WDFY1: variants seen among roughly 807,000 people sequenced by gnomAD.
The protein encoded by WDFY1 is WD repeat and FYVE domain containing 1.
In WDFY1, 32 loss-of-function variants were observed where a neutral mutation model predicts 56.4. That is an observed-to-expected ratio of 0.57 (90% CI 0.43 to 0.76). The LOEUF (loss-of-function observed/expected upper bound fraction) is 0.76. WDFY1 is among the 30% of genes least tolerant of loss of function. The probability of loss-of-function intolerance (pLI) is 0.00; values close to 1 mark genes in which losing one functional copy is unlikely to be tolerated. For synonymous variants in WDFY1, 192 were observed against 197.3 expected (o/e 0.97, Z 0.23); for missense variants, 480 against 545.7 (o/e 0.88, Z 1.20).
chr2:223,939,358 T>A (rs1246589632), intron 1 of WDFY1, among the ~76,000 whole-genome samples: 2 of 152,198 alleles, frequency 1.3e-5, no homozygotes, highest in Non-Finnish European at 2.9e-5. Flanking sequence ...TATTGACATT[T>A]GGGGCTCAAT....
intron 1 of WDFY1, among the ~76,000 whole-genome samples, chr2:223,924,440 T>C (rs1424128452): frequency 6.6e-6 from 1 of 152,248 alleles, no homozygotes; most frequent in Non-Finnish European, 1.5e-5. Context: ...TTCAGCTCAC[T>C]GTAACCTCTG....
In WDFY1 at chr2:223,880,130, A is replaced by G. The variant is rs771182357; in HGVS notation, c.1167T>C (p.Ile389=). 1.9e-6 allele frequency: 3 copies of G among 1,613,894 alleles called. No homozygotes were observed. The highest frequency in any genetic ancestry group is 2.5e-6 in the Non-Finnish European group (3 of 1,179,790). The change falls in exon 11 of 12, where the codon ATT becomes ATC. Residue 389 remains isoleucine, a synonymous_variant. Transcript: ENST00000233055. Reference sequence around the variant, plus strand: ...AGACAATTAGCCAGCTTACCTTTACAATGCGGTCGGTCCCACAGGTCACCA... The same window carrying G: ...AGACAATTAGCCAGCTTACCTTTACGATGCGGTCGGTCCCACAGGTCACCA... ...GLMVTCGTDR[I]VKIWDMTPVV... is the part of the protein sequence containing the mutation.
intron 1 of WDFY1, among the ~76,000 whole-genome samples, chr2:223,928,434 G>A (rs950426668): frequency 5.3e-5 from 8 of 152,166 alleles, no homozygotes; most frequent in African/African-American, 1.9e-4. Flanking sequence ...AATGTCCTGG[G>A]CTCCTTGTGA....
chr2:223,919,236 T>C (rs1251906040), intron 1 of WDFY1, among the ~76,000 whole-genome samples: 1 of 152,148 alleles, frequency 6.6e-6, no homozygotes, highest in Non-Finnish European at 1.5e-5. Flanking sequence ...TATGGGACAG[T>C]GTCTCACTCT....
At chr2:223,894,145 C>T in intron 8 of WDFY1, 89 bp downstream of exon 8, 3 of 1,291,818 alleles carry the variant, frequency 2.3e-6, no homozygotes, top group Non-Finnish European at 3.3e-6. Context: ...CCTGGACCAG[C>T]ATTTACAGCT....
chr2:223,894,144 G>T, intron 8 of WDFY1, 90 bp downstream of exon 8: 2 of 1,278,582 alleles, frequency 1.6e-6, no homozygotes, highest in Non-Finnish European at 2.2e-6. Context: ...ACCTGGACCA[G>T]CATTTACAGC....
chr2:223,905,825 T>C (rs1473602785), intron 4 of WDFY1, 122 bp downstream of exon 4: 7 of 624,416 alleles, frequency 1.1e-5, no homozygotes, highest in South Asian at 4.0e-5. Flanking sequence ...GTCTCTTGCA[T>C]AGTGGGGGTA....
At chr2:223,894,132 G>T in intron 8 of WDFY1, 102 bp downstream of exon 8, 2 of 1,130,102 alleles carry the variant, frequency 1.8e-6, no homozygotes, top group Non-Finnish European at 2.6e-6. Flanking sequence ...GGGACTGTCT[G>T]CACCTGGACC....
chr2:223,925,599 G>A (rs1465765421), intron 1 of WDFY1, among the ~76,000 whole-genome samples: 4 of 152,250 alleles, frequency 2.6e-5, no homozygotes, highest in Non-Finnish European at 2.9e-5. Context: ...TTGTTGCATC[G>A]ATTGACTCTT....
chr2:223,924,734 C>T (rs1693950003), intron 1 of WDFY1, among the ~76,000 whole-genome samples: 2 of 152,098 alleles, frequency 1.3e-5, no homozygotes, highest in South Asian at 4.1e-4. Flanking sequence ...AAATAAAATT[C>T]CAAAATTGAT....
intron 5 of WDFY1, among the ~76,000 whole-genome samples, chr2:223,900,555 T>G (rs974304872): frequency 6.6e-6 from 1 of 152,120 alleles, no homozygotes; most frequent in Non-Finnish European, 1.5e-5. Flanking sequence ...GTAGCAGGAA[T>G]TTTTTAGGCC....
At chr2:223,922,113 C>T (rs1339108200) in intron 1 of WDFY1, among the ~76,000 whole-genome samples, 4 of 152,210 alleles carry the variant, frequency 2.6e-5, no homozygotes, top group Non-Finnish European at 5.9e-5. Flanking sequence ...AGCTGTCATC[C>T]TCACATTCCC....
rs377335406 is a variant in WDFY1, at chr2:223,901,165, C to T, written c.485+18G>A. On this transcript the variant is annotated intron_variant, in intron 5 of 11. Coordinates refer to ENST00000233055, the MANE Select transcript of WDFY1 (RefSeq NM_020830.5). ...GCAGAGGCCAGGGGAAGGAGAGGTC[C>T]GTGGCTCTGAAGGATACTGCAGACA... is the stretch of plus-strand genomic sequence containing the variant. The T allele has an allele frequency of 8.1e-6, 13 of 1,606,242 alleles. No homozygotes were observed. In the African/African-American group the frequency reaches 1.2e-4, roughly 15 times the overall value.
Position 223,882,067 on chromosome 2 carries a change from G to T in WDFY1, c.939C>A (p.His313Gln). The T allele has an allele frequency of 6.2e-7, 1 of 1,613,336 alleles. No homozygotes were observed. Among genetic ancestry groups the T allele is most frequent in the Non-Finnish European group, 8.5e-7 (1 of 1,179,520 alleles). ...DTKTLGLRQH[H>Q]CRKCGQAVCG... ...AGACAGCCTGCCCGCATTTCCTGCA[G>T]TGATGCTTCACAGGTGACCGGGAGG... The change falls in exon 10 of 12, where the codon CAC becomes CAA. Residue 313 changes from histidine (H) to glutamine (Q), a missense_variant. Physicochemically the swap from His to Gln is conservative, Grantham distance 24. Coordinates refer to ENST00000233055, the MANE Select transcript of WDFY1 (RefSeq NM_020830.5).
At chr2:223,938,757 G>C (rs573024609) in intron 1 of WDFY1, among the ~76,000 whole-genome samples, 43 of 151,976 alleles carry the variant, frequency 2.8e-4, no homozygotes, top group Admixed American at 1.2e-3. Context: ...TTTGTCATAT[G>C]CAGTTTGATT....
intron 8 of WDFY1, among the ~76,000 whole-genome samples, chr2:223,893,792 G>A (rs533980661): frequency 6.6e-6 from 1 of 152,294 alleles, no homozygotes; most frequent in Non-Finnish European, 1.5e-5. Context: ...TAAAAGCAGA[G>A]AAATGGAAAT....
chr2:223,918,529 C>A (rs1400610731), intron 1 of WDFY1, among the ~76,000 whole-genome samples: 1 of 151,720 alleles, frequency 6.6e-6, no homozygotes, highest in East Asian at 1.9e-4. Context: ...TACTCAGGAG[C>A]CTGAGGCAGA....
At chr2:223,886,775 A>G (rs1229223447) in intron 8 of WDFY1, among the ~76,000 whole-genome samples, 1 of 151,398 alleles carries the variant, frequency 6.6e-6, no homozygotes, top group Non-Finnish European at 1.5e-5. Context: ...ATCACTTAAC[A>G]TTATATATGT....
intron 6 of WDFY1, among the ~76,000 whole-genome samples, chr2:223,896,863 G>A (rs1330268991): frequency 2.0e-5 from 3 of 152,154 alleles, no homozygotes; most frequent in Non-Finnish European, 4.4e-5. Flanking sequence ...CTTAAGAGCA[G>A]ATAAATACGG....
Sources: gnomAD v4.1 joint callset for allele counts (sites outside exome capture counted in the v4.1 genomes callset) on GRCh38, gnomAD v4.1.1 for gene constraint, MANE v1.5 for transcripts, NCBI Gene and HGNC (gene_info 2026-07-23, HGNC 2026-07-21) for gene names.